The following BRMS1L variants were observed in gnomAD, a reference collection of about 807,000 sequenced individuals.
BRMS1L encodes BRMS1 like transcriptional repressor.
A neutral mutation model predicts 50.3 loss-of-function variants in BRMS1L; 23 were observed. The ratio of observed to expected loss-of-function variants is 0.46; its 90% confidence interval spans 0.33 to 0.65. The LOEUF is 0.65. BRMS1L is among the 30% of genes least tolerant of loss of function. The probability of loss-of-function intolerance (pLI) is 0.02; values close to 1 mark genes in which losing one functional copy is unlikely to be tolerated. For synonymous variants in BRMS1L, 114 were observed against 126.9 expected, an observed-to-expected ratio of 0.90 and a Z score of 0.69; for missense variants, 286 against 386.1, an observed-to-expected ratio of 0.74 and a Z score of 2.17.
chr14:35,864,943 A>G lies in BRMS1L; in HGVS notation c.631A>G (p.Ile211Val), dbSNP rs543969087. The G allele has an allele frequency of 2.0e-5, 31 of 1,574,898 alleles. No individual in the cohort carries two copies. In the South Asian group the frequency reaches 3.0e-4, roughly 15 times the overall value. Residue 211 changes from isoleucine to valine, a missense_variant, in exon 7 of 10, where the codon ATA (isoleucine) becomes GTA (valine). Physicochemically the swap from Ile to Val is conservative, Grantham distance 29. Transcript: ENST00000216807. ...KKPVVVSGPY[I>V]VYMLQDLDIL... is the part of the protein sequence containing the mutation. ...GACCTTGACTATTCAACGTCCATAT[A>G]TAGTTTATATGCTACAAGATCTTGA...
intron 4 of BRMS1L, among the ~76,000 whole-genome samples, chr14:35,840,265 G>A (rs530452643): frequency 3.4e-4 from 52 of 152,164 alleles, no homozygotes; most frequent in Middle Eastern, 3.4e-3. Context: ...TGCTGGATTC[G>A]GTTTGCCAGT....
At chr14:35,827,418 G>C in intron 1 of BRMS1L, among the ~76,000 whole-genome samples, 1 of 152,150 alleles carries the variant, frequency 6.6e-6, no homozygotes, top group East Asian at 1.9e-4. Context: ...TGATTACCGG[G>C]ATTATTTTCT....
intron 4 of BRMS1L, among the ~76,000 whole-genome samples, chr14:35,852,658 G>A (rs142536166): frequency 0.022 from 3,363 of 152,168 alleles, 132 homozygotes; most frequent in South Asian, 0.14. Context: ...TCGGCCAGGC[G>A]CGGTGGCTCA....
At chr14:35,843,809 C>G (rs756182928) in intron 4 of BRMS1L, among the ~76,000 whole-genome samples, 6 of 152,248 alleles carry the variant, frequency 3.9e-5, no homozygotes, top group Non-Finnish European at 7.3e-5. Flanking sequence ...CCCAGGTGCT[C>G]TGTCCTAGGG....
Position 35,863,952 on chromosome 14 carries a change from A to G in BRMS1L, c.621A>G (p.Ser207=), listed in dbSNP as rs764864821. Reference sequence around the variant, plus strand: ...ACAAAAAGAAGCCAGTTGTTGTTTCAGATATCCTTTTCCAAATTTTCTGTT... The same window carrying G: ...ACAAAAAGAAGCCAGTTGTTGTTTCGGATATCCTTTTCCAAATTTTCTGTT... The part of the protein sequence containing the change: ...SPDKKKPVVV[S]GPYIVYMLQD... Residue 207 remains serine, a splice_region_variant and synonymous_variant, in exon 6 of 10, where the codon TCA becomes TCG. Coordinates refer to ENST00000216807, the MANE Select transcript of BRMS1L (RefSeq NM_032352.4). The G allele has an allele frequency of 1.9e-6, 3 of 1,612,750 alleles. No homozygotes were observed. In the South Asian group the frequency reaches 3.3e-5, roughly 18 times the overall value.
chr14:35,845,788 A>G (rs935507748), intron 4 of BRMS1L, among the ~76,000 whole-genome samples: 1 of 152,194 alleles, frequency 6.6e-6, no homozygotes. Context: ...TGGGTTGCCC[A>G]GGCTGGAGTG....
intron 6 of BRMS1L, among the ~76,000 whole-genome samples, 199 bp from the exon 7 acceptor site, chr14:35,864,736 G>A (rs2078399194): frequency 6.6e-6 from 1 of 152,078 alleles, no homozygotes; most frequent in African/African-American, 2.4e-5. Context: ...GGAATTAAGG[G>A]CATGTAGTTA....
intron 4 of BRMS1L, chr14:35,858,625 C>T (rs1052237267): frequency 6.6e-6 from 1 of 152,184 alleles, no homozygotes; most frequent in African/African-American, 2.4e-5. Flanking sequence ...GGTTCTGGCT[C>T]AGGGAATCCC....
chr14:35,827,813 G>C lies in BRMS1L; in HGVS notation c.142+1155G>C, dbSNP rs113074396. On this transcript the variant is annotated intron_variant, in intron 1 of 9. Transcript: ENST00000216807. ...CAATATTGGGTGGTCACAAAGCCTA[G>C]CTGAAGAAGGTGGGATTACCTTAAT... is the stretch of plus-strand genomic sequence containing the variant. Among the ~76,000 whole-genome samples, 106 of 152,324 alleles carry C rather than the reference G, an allele frequency of 7.0e-4. 2 individuals carry two copies. The highest frequency in any genetic ancestry group is 2.3e-3 in the African/African-American group (96 of 41,560).
chr14:35,859,331 C>T (rs986959119), intron 4 of BRMS1L, among the ~76,000 whole-genome samples: 5 of 152,194 alleles, frequency 3.3e-5, no homozygotes, highest in African/African-American at 1.2e-4. Flanking sequence ...TTTAAAACCA[C>T]CACATCTTTC....
chr14:35,840,282 T>C (rs1420541352), intron 4 of BRMS1L, among the ~76,000 whole-genome samples: 1 of 152,240 alleles, frequency 6.6e-6, no homozygotes, highest in African/African-American at 2.4e-5. Flanking sequence ...CAGTATTTTA[T>C]TGAGGATTTT....
rs1159212776 is a variant in BRMS1L, at chr14:35,859,862, A to G, written c.442-2728A>G. Among the ~76,000 whole-genome samples, 12 of 151,772 alleles carry G rather than the reference A, an allele frequency of 7.9e-5. No individual in the cohort carries two copies. In the East Asian group the frequency reaches 2.1e-3, roughly 27 times the overall value. On this transcript the variant is annotated intron_variant, in intron 4 of 9. Transcript: ENST00000216807. ...AGATGGGGTCTCACTGTGTTGCCTA[A>G]GCTGGTCTCAAACTCCTGGGCTCAA...
chr14:35,850,875 C>T (rs748565725), intron 4 of BRMS1L, among the ~76,000 whole-genome samples: 3 of 152,174 alleles, frequency 2.0e-5, no homozygotes, highest in Admixed American at 2.0e-4. Flanking sequence ...ACAGTTCTTA[C>T]AAAAGTTGTC....
Position 35,863,995 on chromosome 14 carries a change from C to T in BRMS1L, c.622+42C>T, listed in dbSNP as rs376263274. On this transcript the variant is annotated intron_variant, in intron 6 of 9. Transcript: ENST00000216807. ...TTTCTGTTTTTTTTTCCTTGATGTG[C>T]GTTTTTCCATTGTGCATGCCTTTAT... 6.1e-4 allele frequency: 919 copies of T among 1,511,530 alleles called. 2 individuals carry two copies. The highest frequency in any genetic ancestry group is 4.6e-3 in the African/African-American group (335 of 72,540). The allele number at this position is 1,511,530 out of a possible 1,614,324, so 93.6% of individuals were successfully genotyped here.
In BRMS1L at chr14:35,863,898, A is replaced by G; in HGVS notation, c.567A>G (p.Arg189=). 1 of 1,614,032 alleles carries G rather than the reference A, an allele frequency of 6.2e-7. No homozygotes were observed. The highest frequency in any genetic ancestry group is 8.5e-7 in the Non-Finnish European group (1 of 1,179,948). ...TGTGGAATGATGAGCTTCAGTCAAGAAAAAAGAGGAAGGATCCTTTCAGTC... is the reference window on the plus strand; with the variant it reads ...TGTGGAATGATGAGCTTCAGTCAAGGAAAAAGAGGAAGGATCCTTTCAGTC... ...SELWNDELQS[R]KKRKDPFSPD... is the part of the protein sequence containing the mutation. Residue 189 remains arginine, a synonymous_variant, in exon 6 of 10, where the codon AGA becomes AGG. Coordinates refer to ENST00000216807, the MANE Select transcript of BRMS1L (RefSeq NM_032352.4).
intron 4 of BRMS1L, among the ~76,000 whole-genome samples, chr14:35,844,035 C>T (rs1036072190): frequency 1.3e-5 from 2 of 152,182 alleles, no homozygotes; most frequent in African/African-American, 4.8e-5. Context: ...ACGCCCCTCC[C>T]CTCACCAAGC....
chr14:35,842,537 G>A (rs1199770720), intron 4 of BRMS1L, among the ~76,000 whole-genome samples: 1 of 152,220 alleles, frequency 6.6e-6, no homozygotes, highest in Non-Finnish European at 1.5e-5. Context: ...GGTTTCTGCA[G>A]AGAGATCCGC....
intron 9 of BRMS1L, 73 bp downstream of exon 9, chr14:35,868,105 C>A: frequency 6.9e-7 from 1 of 1,449,276 alleles, no homozygotes; most frequent in Non-Finnish European, 9.2e-7. Flanking sequence ...GAAATATTTC[C>A]TGCCTCCATA....
chr14:35,857,294 T>A (rs2078294171), intron 4 of BRMS1L, among the ~76,000 whole-genome samples: 1 of 146,470 alleles, frequency 6.8e-6, no homozygotes, highest in East Asian at 2.0e-4. Context: ...TGTGTGTGTG[T>A]GTGTGTGTAT....
Sources: gnomAD v4.1 joint callset for allele counts (sites outside exome capture counted in the v4.1 genomes callset) on GRCh38, gnomAD v4.1.1 for gene constraint, MANE v1.5 for transcripts, NCBI Gene and HGNC (gene_info 2026-07-23, HGNC 2026-07-21) for gene names.